WDSUB1: variants seen among roughly 807,000 people sequenced by gnomAD.
The protein encoded by WDSUB1 is WD repeat, SAM and U-box domain-containing protein 1.
In WDSUB1, 49 loss-of-function variants were observed where a neutral mutation model predicts 53.9. The observed-to-expected ratio is 0.91, with a 90% confidence interval of 0.72 to 1.15. The LOEUF is 1.15. Ranked by LOEUF, WDSUB1 falls within the 50% of genes most tolerant of loss-of-function variation. WDSUB1 has a pLI of 0.00. For missense variants in WDSUB1, 514 were observed against 562.0 expected, an observed-to-expected ratio of 0.91 and a Z score of 0.86; for synonymous variants, 194 against 200.6, an observed-to-expected ratio of 0.97 and a Z score of 0.28.
chr2:159,274,950 G>A (rs561024383), intron 4 of WDSUB1, among the ~76,000 whole-genome samples: 25 of 151,886 alleles, frequency 1.6e-4, no homozygotes, highest in Admixed American at 5.2e-4. Flanking sequence ...TGATTAATGC[G>A]ATAAAACATT....
At chr2:159,243,929 TAAATG>T (rs1304201759) in intron 10 of WDSUB1, among the ~76,000 whole-genome samples, 4 of 152,192 alleles carry the variant, frequency 2.6e-5, no homozygotes, top group African/African-American at 9.7e-5. Context: ...TGCAACAATA[TAAATG>T]AATCTCACAA....
chr2:159,261,867 T>G (rs2061202152), intron 5 of WDSUB1, among the ~76,000 whole-genome samples: 1 of 9,766 alleles, frequency 1.0e-4, no homozygotes, highest in Non-Finnish European at 2.0e-4. Context: ...TATATATATA[T>G]ATATATATAT....
intron 9 of WDSUB1, among the ~76,000 whole-genome samples, chr2:159,250,656 A>G (rs1055431054): frequency 6.6e-6 from 1 of 152,242 alleles, no homozygotes; most frequent in Admixed American, 6.5e-5. Context: ...TTTGCCAGGC[A>G]AATACAGTGG....
chr2:159,258,121 T>C (rs2061109688), intron 6 of WDSUB1, 136 bp from the exon 7 acceptor site: 1 of 745,562 alleles, frequency 1.3e-6, no homozygotes, highest in Non-Finnish European at 2.2e-6. Flanking sequence ...AGTTGAAACT[T>C]TACTCAATGA....
At chr2:159,266,114 A>T (rs2061341718) in intron 5 of WDSUB1, among the ~76,000 whole-genome samples, 1 of 152,226 alleles carries the variant, frequency 6.6e-6, no homozygotes, top group African/African-American at 2.4e-5. Context: ...TGTATTTTCT[A>T]GTATTATAAA....
intron 3 of WDSUB1, among the ~76,000 whole-genome samples, chr2:159,278,533 C>CA (rs920834813): frequency 6.0e-5 from 9 of 150,772 alleles, no homozygotes; most frequent in African/African-American, 1.9e-4. Flanking sequence ...ATAAAGCATG[C>CA]AAAAAAAAGA....
intron 9 of WDSUB1, among the ~76,000 whole-genome samples, chr2:159,254,230 AATCATTAATTG>A (rs1212899654): frequency 3.9e-5 from 6 of 152,246 alleles, no homozygotes; most frequent in Non-Finnish European, 7.3e-5. Context: ...AAACTAATTG[AATCATTAATTG>A]ATCATTAATT....
chr2:159,256,949 T>C (rs2061077798), intron 8 of WDSUB1, among the ~76,000 whole-genome samples: 1 of 152,162 alleles, frequency 6.6e-6, no homozygotes. Flanking sequence ...TGAAAGCATT[T>C]ACCAACAGCT....
intron 5 of WDSUB1, among the ~76,000 whole-genome samples, chr2:159,265,856 G>A (rs966171460): frequency 6.6e-5 from 10 of 152,186 alleles, no homozygotes; most frequent in Non-Finnish European, 1.3e-4. Flanking sequence ...AGTGGAGAAA[G>A]ACCAAGGGAA....
intron 10 of WDSUB1, among the ~76,000 whole-genome samples, chr2:159,245,057 G>A (rs187280916): frequency 1.3e-5 from 2 of 152,286 alleles, no homozygotes; most frequent in Admixed American, 1.3e-4. Context: ...CATGTTCATG[G>A]ATTAGAGCAG....
At chr2:159,265,297 A>ACACAC (rs2061318926) in intron 5 of WDSUB1, among the ~76,000 whole-genome samples, 1 of 65,390 alleles carries the variant, frequency 1.5e-5, no homozygotes. Flanking sequence ...CACACACCAC[A>ACACAC]CACACACACA....
intron 10 of WDSUB1, among the ~76,000 whole-genome samples, chr2:159,246,170 C>T (rs7573782): frequency 0.42 from 63,919 of 152,038 alleles, 14,736 homozygotes; most frequent in Non-Finnish European, 0.54. Context: ...CAGTGGCTCA[C>T]GCCTGTAATC....
At chr2:159,262,021 T>C (rs1232368498) in intron 5 of WDSUB1, among the ~76,000 whole-genome samples, 1 of 149,276 alleles carries the variant, frequency 6.7e-6, no homozygotes, top group African/African-American at 2.5e-5. Context: ...AAAGGGATAA[T>C]TAGCCAAAAT....
chr2:159,274,582 G>A (rs1030938586), intron 4 of WDSUB1, among the ~76,000 whole-genome samples: 1 of 152,070 alleles, frequency 6.6e-6, no homozygotes, highest in African/African-American at 2.4e-5. Flanking sequence ...ATTTATCCCT[G>A]GCGAAACCTT....
chr2:159,281,747 G>A (rs114429279), intron 2 of WDSUB1, among the ~76,000 whole-genome samples: 1,697 of 152,276 alleles, frequency 0.011, 28 homozygotes, highest in African/African-American at 0.038. Context: ...CAGCTGAAGC[G>A]GGTGGATCAC....
chr2:159,282,612 GT>G (rs2061689781), intron 2 of WDSUB1, 59 bp downstream of exon 2: 10 of 1,534,216 alleles, frequency 6.5e-6, no homozygotes, highest in Middle Eastern at 1.8e-4. Context: ...TTTGCTTTCA[GT>G]TTTTTTTAAG....
intron 10 of WDSUB1, among the ~76,000 whole-genome samples, chr2:159,240,739 G>A (rs946861884): frequency 2.6e-5 from 4 of 152,050 alleles, no homozygotes; most frequent in African/African-American, 9.7e-5. Context: ...ACACAGGTAG[G>A]GAGCAACTGA....
At chr2:159,275,476 TA>T in intron 4 of WDSUB1, 69 bp downstream of exon 4, 1 of 1,290,504 alleles carries the variant, frequency 7.7e-7, no homozygotes, top group Non-Finnish European at 1.1e-6. Flanking sequence ...GTACCTTAAG[TA>T]AAAAGATTAA....
Position 159,250,573 on chromosome 2 carries a change from G to A in WDSUB1, c.1133-2061C>T, listed in dbSNP as rs144418635. On this transcript the variant is annotated intron_variant, in intron 9 of 10. Transcript: ENST00000359774. ...CAGAGAATGGTCATGACAGTTTATCGAGTCCACCTCTTCCCAGAATGTCCC... is the reference window on the plus strand; with the variant it reads ...CAGAGAATGGTCATGACAGTTTATCAAGTCCACCTCTTCCCAGAATGTCCC... 2.8e-3 allele frequency among the ~76,000 whole-genome samples: 432 copies of A among 152,256 alleles called. 2 individuals carry two copies. Among genetic ancestry groups the A allele is most frequent in the Non-Finnish European group, 5.4e-3 (364 of 68,006 alleles).
Sources: gnomAD v4.1 joint callset for allele counts (sites outside exome capture counted in the v4.1 genomes callset) on GRCh38, gnomAD v4.1.1 for gene constraint, MANE v1.5 for transcripts, NCBI Gene and HGNC (gene_info 2026-07-23, HGNC 2026-07-21) for gene names.